FLYWCH1: variants seen among roughly 807,000 people sequenced by gnomAD.
FLYWCH1 encodes FLYWCH-type zinc finger-containing protein 1.
Under a neutral mutation model 66.4 loss-of-function variants are expected in FLYWCH1, and 75 were observed. The ratio of observed to expected loss-of-function variants is 1.13; its 90% confidence interval spans 0.94 to 1.37. FLYWCH1 has a LOEUF of 1.37. Ranked by LOEUF, FLYWCH1 falls within the 40% of genes most tolerant of loss-of-function variation. The pLI is 0.00. For synonymous variants in FLYWCH1, 595 were observed against 429.9 expected (o/e 1.38, Z -4.75); for missense variants, 1,334 against 1,001.8 (o/e 1.33, Z -4.48).
chr16:2,944,078 GGA>G (rs1192754469), intron 9 of FLYWCH1, among the ~76,000 whole-genome samples: 3 of 152,004 alleles, frequency 2.0e-5, no homozygotes, highest in Non-Finnish European at 4.4e-5. Flanking sequence ...CCCAGCGGAC[GGA>G]GAGAGAACCT....
In FLYWCH1 at chr16:2,937,407, T is replaced by TGGGTCTGCC. The variant is rs1567344981; in HGVS notation, c.1777+24_1777+32dup. On this transcript the variant is annotated intron_variant, in intron 7 of 9. Transcript: ENST00000253928. ...CAGGTGCGTGTGGAGGGTGCTGGGC[T>TGGGTCTGCC]GGGTCTGCCTGGTCTCCCAGGACCT... is the stretch of plus-strand genomic sequence containing the variant. 2.7e-6 allele frequency: 4 copies of TGGGTCTGCC among 1,508,530 alleles called. No individual in the cohort carries two copies. The South Asian group carries it at 5.2e-5, about 20-fold the overall frequency. 93.4% of individuals were successfully genotyped at this position (1,508,530 alleles called of 1,614,324 possible). A position where few individuals can be genotyped will look rare whatever the true frequency, so the allele number is the denominator to read the frequency against.
At chr16:2,934,367 T>C (rs1331451689) in intron 6 of FLYWCH1, among the ~76,000 whole-genome samples, 1 of 152,116 alleles carries the variant, frequency 6.6e-6, no homozygotes, top group African/African-American at 2.4e-5. Flanking sequence ...ATTGAGGAGG[T>C]GATATTTACT....
intron 9 of FLYWCH1, among the ~76,000 whole-genome samples, chr16:2,945,433 C>T (rs2071436610): frequency 6.8e-6 from 1 of 146,672 alleles, no homozygotes; most frequent in Non-Finnish European, 1.5e-5. Flanking sequence ...TTGCAGTGAG[C>T]CGACATTCAT....
chr16:2,934,497 C>T (rs1209842336), intron 6 of FLYWCH1: 1 of 376,984 alleles, frequency 2.7e-6, no homozygotes, highest in African/African-American at 2.1e-5. Context: ...CGGCCCCCCG[C>T]AGTGCCTGGT....
chr16:2,934,255 C>T (rs1023340290), intron 6 of FLYWCH1, among the ~76,000 whole-genome samples: 8 of 152,152 alleles, frequency 5.3e-5, no homozygotes, highest in Non-Finnish European at 7.4e-5. Flanking sequence ...CCTCTTCCTC[C>T]GTTTGTCTTA....
At chr16:2,929,484 C>G (rs2070683557) in intron 2 of FLYWCH1, 129 bp from the exon 3 acceptor site, 2 of 662,986 alleles carry the variant, frequency 3.0e-6, no homozygotes, top group Admixed American at 3.0e-5. Context: ...CTAGTTCCAT[C>G]AGGCCCCCGG....
chr16:2,929,957 T>C lies in FLYWCH1; in HGVS notation c.272T>C (p.Val91Ala), dbSNP rs1596370896. ...CTGCCAGTTGAGGAGCAGGGAGGGG[T>C]GGTCCAGCCAGCCCTAGAGATGCCT... The part of the protein sequence containing the change: ...QILPVEEQGG[V>A]VQPALEMPEQ... The change falls in exon 3 of 10, where the codon GTG (valine) becomes GCG (alanine). Residue 91 changes from valine (V) to alanine (A), a missense_variant. By Grantham distance (64) the Val-to-Ala change is moderately conservative. Coordinates refer to ENST00000253928, the MANE Select transcript of FLYWCH1 (RefSeq NM_001308068.2). 6.2e-7 allele frequency: 1 copy of C among 1,612,688 alleles called. No homozygotes were observed. Among genetic ancestry groups the C allele is most frequent in the African/African-American group, 1.3e-5 (1 of 74,724 alleles).
chr16:2,948,596 GA>G, intron 9 of FLYWCH1, 91 bp from the exon 10 acceptor site: 19 of 1,363,938 alleles, frequency 1.4e-5, no homozygotes, highest in East Asian at 2.3e-5. Context: ...GCATCCCCAG[GA>G]AAAAGGATTC....
At chr16:2,936,335 C>A in intron 6 of FLYWCH1, 1 of 454,070 alleles carries the variant, frequency 2.2e-6, no homozygotes, top group South Asian at 1.6e-5. Context: ...TCCCCAGGCT[C>A]CTGTGCTGCT....
intron 2 of FLYWCH1, among the ~76,000 whole-genome samples, chr16:2,921,285 T>C (rs1171767575): frequency 2.0e-5 from 3 of 151,252 alleles, no homozygotes; most frequent in Non-Finnish European, 4.4e-5. Context: ...ACTTTTTAAG[T>C]CTACAATTCA....
Position 2,950,770 on chromosome 16 carries a change from C to T in FLYWCH1, c.*2043C>T, listed in dbSNP as rs1335146313. The T allele has an allele frequency of 6.6e-6, 1 of 152,302 alleles. No homozygotes were observed. The highest frequency in any genetic ancestry group is 6.5e-5 in the Admixed American group (1 of 15,286). The allele number at this position is 152,302 out of a possible 1,614,324, so 9.4% of individuals were successfully genotyped here. On this transcript the variant is annotated 3_prime_UTR_variant, in exon 10 of 10. Coordinates refer to ENST00000253928, the MANE Select transcript of FLYWCH1 (RefSeq NM_001308068.2). ...TCCTCTGCCTCACGCCTGCTTTGAC[C>T]TTAGAAGACAGACGGCAGCTCGCGT...
At chr16:2,943,335 C>A (rs971147547) in intron 9 of FLYWCH1, 1 of 151,908 alleles carries the variant, frequency 6.6e-6, no homozygotes, top group Non-Finnish European at 1.5e-5. Flanking sequence ...ACCTGGTTTC[C>A]TCCGGCCCTC....
At chr16:2,916,874 G>C (rs1352022205) in intron 2 of FLYWCH1, among the ~76,000 whole-genome samples, 1 of 151,728 alleles carries the variant, frequency 6.6e-6, no homozygotes, top group African/African-American at 2.4e-5. Flanking sequence ...GCCAGGCATG[G>C]TGGCTCACTC....
At position 2,929,718 on chromosome 16, in the gene FLYWCH1, CGA is replaced by C. The variant is rs1322049223; in HGVS notation, c.37_38del (p.Ser13CysfsTer39). The C allele has an allele frequency of 2.5e-6, 4 of 1,613,020 alleles. No individual in the cohort carries two copies. In the East Asian group the frequency reaches 8.9e-5, roughly 36 times the overall value. ...TGCCCGAGCCCAGCGAGCAGGAGGG[CGA>C]GAGTGTGAAGGCCGGCCAGGAGCCA... ...PLPEPSEQEG[E>X]SVKAGQEPSP... On this transcript the variant is annotated frameshift_variant, in exon 3 of 10. Coordinates refer to ENST00000253928, the MANE Select transcript of FLYWCH1 (RefSeq NM_001308068.2). LOFTEE classifies it high-confidence loss of function.
chr16:2,933,810 G>A lies in FLYWCH1; in HGVS notation c.1344G>A (p.Val448=), dbSNP rs756828864. The change falls in exon 6 of 10, where the codon GTG becomes GTA. Residue 448 remains valine, a synonymous_variant. Transcript: ENST00000253928. ...GGGAGAAGGCGGCTGGGGAGAAGGT[G>A]TATTGGACCTGCCGGGACCAGGCCC... ...YRREKAAGEK[V]YWTCRDQARM... 7.5e-6 allele frequency: 12 copies of A among 1,607,778 alleles called. No homozygotes were observed. Among genetic ancestry groups the A allele is most frequent in the African/African-American group, 5.4e-5 (4 of 74,750 alleles).
intron 9 of FLYWCH1, among the ~76,000 whole-genome samples, chr16:2,942,469 G>C (rs114073098): frequency 6.6e-6 from 1 of 152,040 alleles, no homozygotes; most frequent in South Asian, 2.1e-4. Flanking sequence ...TCTAAGACCA[G>C]TATCACCCTG....
intron 3 of FLYWCH1, 140 bp downstream of exon 3, chr16:2,930,150 C>T (rs1161966475): frequency 4.6e-5 from 37 of 798,034 alleles, no homozygotes; most frequent in South Asian, 3.6e-4. Flanking sequence ...TGAGCGTGTC[C>T]GAGGCTGGTG....
chr16:2,948,072 T>G (rs2071557285), intron 9 of FLYWCH1, among the ~76,000 whole-genome samples: 2 of 151,928 alleles, frequency 1.3e-5, no homozygotes, highest in Non-Finnish European at 2.9e-5. Context: ...GAGAACTTTG[T>G]GTTTCTTGAT....
intron 1 of FLYWCH1, among the ~76,000 whole-genome samples, 174 bp downstream of exon 1, chr16:2,912,328 C>T (rs563344164): frequency 3.9e-5 from 6 of 151,986 alleles, no homozygotes; most frequent in East Asian, 1.9e-4. Context: ...CTCCTCGCCC[C>T]TCCATCCCCA....
Sources: gnomAD v4.1 joint callset for allele counts (sites outside exome capture counted in the v4.1 genomes callset) on GRCh38, gnomAD v4.1.1 for gene constraint, MANE v1.5 for transcripts, NCBI Gene and HGNC (gene_info 2026-07-23, HGNC 2026-07-21) for gene names.